Variants in DSTYK observed in about 807,000 individuals in gnomAD.
DSTYK encodes RIP-homologous kinase.
DSTYK carries 34 observed loss-of-function variants against 98.7 expected under a neutral mutation model. The observed-to-expected ratio is 0.34, with a 90% CI of 0.26 to 0.46. DSTYK has a LOEUF of 0.46. DSTYK is among the 20% of genes least tolerant of loss of function. The probability of loss-of-function intolerance (pLI) is 1.00; values close to 1 mark genes in which losing one functional copy is unlikely to be tolerated. For synonymous variants in DSTYK, 462 were observed against 457.3 expected (o/e 1.01, Z -0.13); for missense variants, 962 against 1,181.7 (o/e 0.81, Z 2.73).
chr1:205,163,641 T>C (rs951033401), intron 4 of DSTYK, 82 bp downstream of exon 4: 2 of 1,130,898 alleles, frequency 1.8e-6, no homozygotes, highest in South Asian at 1.4e-5. Flanking sequence ...GGGAAATTCT[T>C]GCCTAATTTG....
intron 9 of DSTYK, among the ~76,000 whole-genome samples, chr1:205,157,620 G>A (rs1657601211): frequency 6.6e-6 from 1 of 152,128 alleles, no homozygotes; most frequent in Admixed American, 6.6e-5. Context: ...GAATTAGCTG[G>A]ATGTGGTGGC....
chr1:205,150,353 T>A lies in DSTYK; in HGVS notation c.2467+327A>T, dbSNP rs1017469457. The stretch of plus-strand genomic sequence containing the variant: ...AATATATCTCTATGTCAACGGTAAG[T>A]TCTTTAATGATAGAGGACAACTCCT... On this transcript the variant is annotated intron_variant, in intron 11 of 12. Transcript: ENST00000367162. The surrounding 1 kb of genome is among the most constrained non-coding windows in gnomAD (Gnocchi z 4.1). 6.6e-6 allele frequency among the ~76,000 whole-genome samples: 1 copy of A among 152,222 alleles called. No homozygotes were observed. The highest frequency in any genetic ancestry group is 1.5e-5 in the Non-Finnish European group (1 of 68,052).
chr1:205,161,957 A>G, intron 6 of DSTYK, 79 bp downstream of exon 6: 1 of 1,405,774 alleles, frequency 7.1e-7, no homozygotes, highest in Non-Finnish European at 9.8e-7. Context: ...ATATATGAAG[A>G]GCGGAGAGCG....
Position 205,146,096 on chromosome 1 carries a change from T to G in DSTYK, c.*1462A>C, listed in dbSNP as rs910946424. 1.2e-4 allele frequency: 19 copies of G among 152,138 alleles called. No individual in the cohort carries two copies. The highest frequency in any genetic ancestry group is 3.6e-4 in the African/African-American group (15 of 41,420). The allele number at this position is 152,138 out of a possible 1,614,324, so 9.4% of individuals were successfully genotyped here. On this transcript the variant is annotated 3_prime_UTR_variant, in exon 13 of 13. Coordinates refer to ENST00000367162, the MANE Select transcript of DSTYK (RefSeq NM_015375.3). ...AGGGTTTTTCTCTTTCGTCTGCTGCTTTTTTTCTTCTAACAGATTTTTAAA... is the reference window on the plus strand; with the variant it reads ...AGGGTTTTTCTCTTTCGTCTGCTGCGTTTTTTCTTCTAACAGATTTTTAAA...
rs1245062918 is a variant in DSTYK, at chr1:205,145,920, C to G, written c.*1638G>C. ...GAGATGCACCAATATTTAAATTGTT[C>G]CCCTTCCTCTGCCTAGAATCAGAAT... On this transcript the variant is annotated 3_prime_UTR_variant, in exon 13 of 13. Transcript: ENST00000367162. 6.6e-6 allele frequency: 1 copy of G among 152,072 alleles called. No individual in the cohort carries two copies. Among genetic ancestry groups the G allele is most frequent in the Non-Finnish European group, 1.5e-5 (1 of 68,018 alleles). The allele number at this position is 152,072 out of a possible 1,614,324, so 9.4% of individuals were successfully genotyped here.
At chr1:205,161,000 C>T (rs1169240261) in intron 7 of DSTYK, among the ~76,000 whole-genome samples, 6 of 152,104 alleles carry the variant, frequency 3.9e-5, no homozygotes, top group Non-Finnish European at 7.4e-5. Flanking sequence ...TCTTGAACTT[C>T]TGAGCTCAGG....
At chr1:205,203,583 GGGGAAGGGA>G (rs1659113185) in intron 1 of DSTYK, among the ~76,000 whole-genome samples, 1 of 80,356 alleles carries the variant, frequency 1.2e-5, no homozygotes, top group African/African-American at 5.1e-5. Context: ...GGGGAGGGGA[GGGGAAGGGA>G]GGGGGCAGAA....
rs1183013456 is a variant in DSTYK, at chr1:205,150,655, C to T, written c.2467+25G>A. On this transcript the variant is annotated intron_variant, in intron 11 of 12. Coordinates refer to ENST00000367162, the MANE Select transcript of DSTYK (RefSeq NM_015375.3). This position sits in a 1 kb window ranked among gnomAD's most constrained non-coding sequence, Gnocchi z 4.1. ...ATTAAAGTAGTACGCCCTGCCCAGA[C>T]CCACTGCCTGCCCTCCAGCCTTACC... 1 of 1,577,238 alleles carries T rather than the reference C, an allele frequency of 6.3e-7. No homozygotes were observed. Among genetic ancestry groups the T allele is most frequent in the South Asian group, 1.1e-5 (1 of 90,272 alleles).
intron 1 of DSTYK, among the ~76,000 whole-genome samples, chr1:205,197,542 G>A (rs575957508): frequency 3.2e-4 from 49 of 151,680 alleles, no homozygotes; most frequent in Non-Finnish European, 5.3e-4. Flanking sequence ...CTAGCAAAGC[G>A]TATCCAGCTC....
In DSTYK at chr1:205,191,514, A is replaced by G. The variant is rs553321313; in HGVS notation, c.266-3708T>C. On this transcript the variant is annotated intron_variant, in intron 1 of 12. Coordinates refer to ENST00000367162, the MANE Select transcript of DSTYK (RefSeq NM_015375.3). ...GGTAAATGGAGGGGGGTGGAGTTGG[A>G]TTAGATAATCTTTAACATGCTTTCC... is the stretch of plus-strand genomic sequence containing the variant. Among the ~76,000 whole-genome samples the G allele has an allele frequency of 8.5e-5, 13 of 152,316 alleles. 1 individual carries two copies. In the South Asian group the frequency reaches 2.5e-3, roughly 29 times the overall value.
intron 2 of DSTYK, among the ~76,000 whole-genome samples, chr1:205,170,274 C>T (rs1242158759): frequency 6.6e-6 from 1 of 152,174 alleles, no homozygotes; most frequent in Middle Eastern, 3.2e-3. Flanking sequence ...GCCATTCTGA[C>T]CTGGCTAACT....
Position 205,147,525 on chromosome 1 carries a change from TAAC to T in DSTYK, c.*30_*32del. On this transcript the variant is annotated 3_prime_UTR_variant, in exon 13 of 13. Coordinates refer to ENST00000367162, the MANE Select transcript of DSTYK (RefSeq NM_015375.3). ...GGCCAAAAGGTGAGGGGGAAGGAAA[TAAC>T]TAGAGAGTGAAAGAGAAAGGTCTTT... The T allele has an allele frequency of 8.8e-6, 14 of 1,590,364 alleles. No individual in the cohort carries two copies. Among genetic ancestry groups the T allele is most frequent in the Non-Finnish European group, 1.2e-5 (14 of 1,161,796 alleles).
chr1:205,159,235 A>T (rs931418982), intron 9 of DSTYK, among the ~76,000 whole-genome samples: 1 of 152,052 alleles, frequency 6.6e-6, no homozygotes, highest in African/African-American at 2.4e-5. Flanking sequence ...GACTACAGGT[A>T]TGAGCCACCA....
At chr1:205,184,436 G>A (rs963693328) in intron 2 of DSTYK, among the ~76,000 whole-genome samples, 2 of 151,962 alleles carry the variant, frequency 1.3e-5, no homozygotes, top group Admixed American at 6.6e-5. Flanking sequence ...GTCGAGTGTG[G>A]TGGCAGGCGC....
At position 205,160,171 on chromosome 1, in the gene DSTYK, A is replaced by G; in HGVS notation, c.2048T>C (p.Val683Ala). The change falls in exon 8 of 13, where the codon GTT (valine) becomes GCT (alanine). Residue 683 changes from valine (V) to alanine (A), a missense_variant. Around this residue, in one of 4 missense-constraint regions of DSTYK, gnomAD observed 660 missense variants for 855.0 expected, o/e 0.77. Transcript: ENST00000367162. ...GGHFPCALKS[V>A]VPPDEKHWND... ...CCAGTGCTTCTCATCTGGAGGGACAACTGATTTGAGGGCACAAGGGAAGTG... is the reference window on the plus strand; with the variant it reads ...CCAGTGCTTCTCATCTGGAGGGACAGCTGATTTGAGGGCACAAGGGAAGTG... 6.2e-7 allele frequency: 1 copy of G among 1,614,146 alleles called. No individual in the cohort carries two copies. Among genetic ancestry groups the G allele is most frequent in the Non-Finnish European group, 8.5e-7 (1 of 1,180,002 alleles).
At chr1:205,202,844 TG>T (rs1340713336) in intron 1 of DSTYK, 9 of 446,194 alleles carry the variant, frequency 2.0e-5, no homozygotes, top group African/African-American at 1.2e-4. Flanking sequence ...CTATATTAAC[TG>T]AGTAACAGGT....
At chr1:205,165,370 C>T (rs1442925996) in intron 3 of DSTYK, among the ~76,000 whole-genome samples, 1 of 152,152 alleles carries the variant, frequency 6.6e-6, no homozygotes, top group Non-Finnish European at 1.5e-5. Flanking sequence ...AGATTACAGG[C>T]ATGAGCCATT....
chr1:205,147,571 T>C lies in DSTYK; in HGVS notation c.2777A>G (p.Asp926Gly), dbSNP rs1402750151. 1.2e-6 allele frequency: 2 copies of C among 1,609,832 alleles called. No individual in the cohort carries two copies. The highest frequency in any genetic ancestry group is 1.7e-6 in the Non-Finnish European group (2 of 1,176,458). ...SNSEQPNRGL[D>G]DST ...AGGTCTTTGCTTTCAAGTAGAATCA[T>C]CTAGTCCTCTGTTTGGCTGCTCAGA... is the stretch of plus-strand genomic sequence containing the variant. Residue 926 changes from aspartate (D) to glycine (G), a missense_variant, in exon 13 of 13, where the codon GAT (aspartate) becomes GGT (glycine). By Grantham distance (94) the Asp-to-Gly change is moderately conservative. Transcript: ENST00000367162.
At chr1:205,166,956 T>C (rs1363761212) in intron 3 of DSTYK, among the ~76,000 whole-genome samples, 2 of 152,246 alleles carry the variant, frequency 1.3e-5, no homozygotes, top group Non-Finnish European at 2.9e-5. Context: ...ACCCAGATCC[T>C]ACCCTCTTTC....
Sources: gnomAD v4.1 joint callset for allele counts (sites outside exome capture counted in the v4.1 genomes callset) on GRCh38, gnomAD v4.1.1 for gene constraint, gnomAD v4.1.1 regional missense constraint, Gnocchi (gnomAD v3.1) non-coding constraint, MANE v1.5 for transcripts, NCBI Gene and HGNC (gene_info 2026-07-23, HGNC 2026-07-21) for gene names.